KSR2: variants seen among roughly 807,000 people sequenced by gnomAD.
KSR2 encodes the protein kinase suppressor of ras 2.
Under a neutral mutation model 107.8 loss-of-function variants are expected in KSR2, and 25 were observed. That is an observed-to-expected ratio of 0.23 (90% CI 0.17 to 0.32). KSR2 has a LOEUF of 0.32. Among genes scored for constraint, KSR2 ranks in the 10% least tolerant of loss-of-function variants. KSR2 has a pLI of 1.00. For missense variants in KSR2, 887 were observed against 1,268.9 expected (o/e 0.70, Z 4.57); for synonymous variants, 480 against 507.0 (o/e 0.95, Z 0.71).
At position 117,464,690 on chromosome 12, in the gene KSR2, G is replaced by A. The variant is rs1176536409; in HGVS notation, c.*2509C>T. 1 of 152,344 alleles carries A rather than the reference G, an allele frequency of 6.6e-6. No individual in the cohort carries two copies. The highest frequency in any genetic ancestry group is 2.4e-5 in the African/African-American group (1 of 41,436). 9.4% of individuals were successfully genotyped at this position (152,344 alleles called of 1,614,324 possible). A position where few individuals can be genotyped will look rare whatever the true frequency, so the allele number is the denominator to read the frequency against. On this transcript the variant is annotated 3_prime_UTR_variant, in exon 20 of 20. Coordinates refer to ENST00000339824, the MANE Select transcript of KSR2 (RefSeq NM_173598.6). ...GGAAGGCACTGAAGGCCAGGATCCT[G>A]GCCTGGCTGCAGCAGAGACCAATGC...
At chr12:117,797,382 A>G (rs889678979) in intron 3 of KSR2, among the ~76,000 whole-genome samples, 5 of 152,232 alleles carry the variant, frequency 3.3e-5, no homozygotes, top group Non-Finnish European at 7.3e-5. Flanking sequence ...AGCCAGATGC[A>G]AAGTGTCACA....
At chr12:117,877,895 G>A (rs898036651) in intron 1 of KSR2, among the ~76,000 whole-genome samples, 6 of 152,184 alleles carry the variant, frequency 3.9e-5, no homozygotes, top group African/African-American at 1.2e-4. Flanking sequence ...TTGTCAACAA[G>A]GTCCCCAGAT....
intron 4 of KSR2, among the ~76,000 whole-genome samples, chr12:117,680,154 G>A (rs751459795): frequency 2.0e-5 from 3 of 152,110 alleles, no homozygotes; most frequent in Non-Finnish European, 4.4e-5. Flanking sequence ...TCTAAATAAT[G>A]AACATTCTCT....
chr12:117,777,529 C>T (rs2136934150), intron 3 of KSR2, among the ~76,000 whole-genome samples: 1 of 152,190 alleles, frequency 6.6e-6, no homozygotes, highest in East Asian at 1.9e-4. Flanking sequence ...TTTTTTACCA[C>T]TCTGCAAATG....
At chr12:117,633,804 A>T (rs534376585) in intron 5 of KSR2, among the ~76,000 whole-genome samples, 1 of 152,096 alleles carries the variant, frequency 6.6e-6, no homozygotes, top group African/African-American at 2.4e-5. Context: ...CATGGATATA[A>T]GTTTTGGGAG....
At chr12:117,734,516 T>G (rs767935293) in intron 4 of KSR2, among the ~76,000 whole-genome samples, 1 of 152,126 alleles carries the variant, frequency 6.6e-6, no homozygotes, top group Non-Finnish European at 1.5e-5. Flanking sequence ...CTATTCCAAG[T>G]TACAATCCAT....
rs1201035397 is a variant in KSR2, at chr12:117,840,215, G to A, written c.472+15213C>T. 4.0e-5 allele frequency among the ~76,000 whole-genome samples: 6 copies of A among 151,568 alleles called. No individual in the cohort carries two copies. In the Middle Eastern group the frequency reaches 0.01, roughly 258 times the overall value. On this transcript the variant is annotated intron_variant, in intron 3 of 19. Transcript: ENST00000339824. ...AGGGTTCAAGCCATTCTCCTGCCTCGACGCTCTGAGTAGCTGGAACTATAG... is the reference window on the plus strand; with the variant it reads ...AGGGTTCAAGCCATTCTCCTGCCTCAACGCTCTGAGTAGCTGGAACTATAG...
chr12:117,643,578 C>G (rs1007094507), intron 5 of KSR2, among the ~76,000 whole-genome samples: 6 of 152,170 alleles, frequency 3.9e-5, no homozygotes, highest in Non-Finnish European at 8.8e-5. Context: ...TTATTAAGTG[C>G]ACGAACATAC....
intron 5 of KSR2, among the ~76,000 whole-genome samples, chr12:117,614,648 C>G (rs926881910): frequency 1.3e-5 from 2 of 152,142 alleles, no homozygotes; most frequent in African/African-American, 4.8e-5. Context: ...AGAAAGGTCC[C>G]TTAATAGTTT....
At chr12:117,946,028 G>C (rs183868500) in intron 1 of KSR2, among the ~76,000 whole-genome samples, 1 of 152,044 alleles carries the variant, frequency 6.6e-6, no homozygotes, top group Non-Finnish European at 1.5e-5. Context: ...TTATGAACTG[G>C]AAAACAATGA....
intron 14 of KSR2, among the ~76,000 whole-genome samples, chr12:117,492,721 G>A (rs1288230174): frequency 6.6e-6 from 1 of 152,180 alleles, no homozygotes; most frequent in African/African-American, 2.4e-5. Flanking sequence ...CGGGCCAGAT[G>A]GATGTAATCG....
intron 5 of KSR2, among the ~76,000 whole-genome samples, chr12:117,658,294 A>G (rs1362336556): frequency 6.6e-6 from 1 of 152,186 alleles, no homozygotes; most frequent in East Asian, 1.9e-4. Context: ...ACATCAATGG[A>G]TTGGATTTGG....
intron 4 of KSR2, among the ~76,000 whole-genome samples, chr12:117,687,268 C>A (rs1885613644): frequency 6.6e-6 from 1 of 152,108 alleles, no homozygotes; most frequent in Non-Finnish European, 1.5e-5. Context: ...GCAGAGAGTG[C>A]AATTAAACAT....
intron 3 of KSR2, among the ~76,000 whole-genome samples, chr12:117,844,495 T>A (rs200206772): frequency 3.5e-5 from 5 of 144,044 alleles, no homozygotes; most frequent in African/African-American, 1.0e-4. Context: ...TTTTTTTTTT[T>A]AACTCACAAG....
chr12:117,790,099 G>A (rs1890204812), intron 3 of KSR2, among the ~76,000 whole-genome samples: 1 of 152,156 alleles, frequency 6.6e-6, no homozygotes, highest in Admixed American at 6.5e-5. Context: ...CCACTCCACT[G>A]CATGGGACCA....
intron 5 of KSR2, among the ~76,000 whole-genome samples, chr12:117,607,103 A>G (rs1198345223): frequency 6.6e-6 from 1 of 152,142 alleles, no homozygotes; most frequent in African/African-American, 2.4e-5. Context: ...ATTGAGCTCA[A>G]TGACAATGAG....
intron 3 of KSR2, among the ~76,000 whole-genome samples, chr12:117,776,905 AT>A (rs1323209743): frequency 6.6e-6 from 1 of 151,686 alleles, no homozygotes; most frequent in Non-Finnish European, 1.5e-5. Context: ...ATTTGTGGCA[AT>A]TGTGTTCTCT....
intron 16 of KSR2, among the ~76,000 whole-genome samples, chr12:117,476,912 G>A (rs965027191): frequency 1.3e-5 from 2 of 152,278 alleles, no homozygotes; most frequent in South Asian, 2.1e-4. Flanking sequence ...ACTGGAACAC[G>A]GAATTAGCAG....
At chr12:117,938,708 G>T (rs549145885) in intron 1 of KSR2, among the ~76,000 whole-genome samples, 1 of 152,026 alleles carries the variant, frequency 6.6e-6, no homozygotes, top group South Asian at 2.1e-4. Flanking sequence ...CCATAATCAT[G>T]CCACTGCACC....
Sources: gnomAD v4.1 joint callset for allele counts (sites outside exome capture counted in the v4.1 genomes callset) on GRCh38, gnomAD v4.1.1 for gene constraint, MANE v1.5 for transcripts, NCBI Gene and HGNC (gene_info 2026-07-23, HGNC 2026-07-21) for gene names.